The following GBF1 variants were observed in gnomAD, a reference collection of about 807,000 sequenced individuals.
GBF1 encodes Golgi-specific brefeldin A-resistance guanine nucleotide exchange factor 1.
GBF1 carries 114 observed loss-of-function variants against 210.5 expected under a neutral mutation model. The observed-to-expected ratio is 0.54, with a 90% confidence interval of 0.47 to 0.63. GBF1 has a LOEUF of 0.63. Ranked by LOEUF, GBF1 falls within the 30% of genes least tolerant of loss-of-function variation. The pLI is 0.00. For synonymous variants in GBF1, 850 were observed against 889.2 expected, an observed-to-expected ratio of 0.96 and a Z score of 0.78; for missense variants, 1,851 against 2,357.7, an observed-to-expected ratio of 0.79 and a Z score of 4.45.
intron 3 of GBF1, among the ~76,000 whole-genome samples, chr10:102,341,081 T>C (rs777094912): frequency 2.0e-5 from 3 of 152,188 alleles, no homozygotes; most frequent in Non-Finnish European, 4.4e-5. Flanking sequence ...GGACTTGAAT[T>C]CAGAATAAAG....
intron 3 of GBF1, among the ~76,000 whole-genome samples, chr10:102,326,903 G>C (rs896402856): frequency 1.2e-4 from 18 of 152,158 alleles, no homozygotes; most frequent in African/African-American, 3.4e-4. Context: ...AAGGAGAAAA[G>C]GTAGAGGTTG....
chr10:102,253,584 G>T (rs1045130536), intron 1 of GBF1, among the ~76,000 whole-genome samples: 1 of 152,082 alleles, frequency 6.6e-6, no homozygotes, highest in Non-Finnish European at 1.5e-5. Flanking sequence ...TGTGATCGTG[G>T]CTCACTGCAG....
At chr10:102,337,917 T>C (rs1481718030) in intron 3 of GBF1, among the ~76,000 whole-genome samples, 1 of 152,254 alleles carries the variant, frequency 6.6e-6, no homozygotes, top group East Asian at 1.9e-4. Context: ...GGAGTTCAAC[T>C]TGCCCCCAAC....
rs1231847277 is a variant in GBF1 at position 102,352,532 on chromosome 10, T to A, written c.584+14T>A. ...GCTCTTCACAAGGTAAACCTGCTGC[T>A]GTTTGCTTCAGCCCGGCTGCCCAGG... On this transcript the variant is annotated intron_variant, in intron 7 of 39. Transcript: ENST00000369983. The A allele has an allele frequency of 6.3e-7, 1 of 1,593,306 alleles. No homozygotes were observed.
At chr10:102,279,293 T>C (rs1310511949) in intron 3 of GBF1, among the ~76,000 whole-genome samples, 1 of 152,252 alleles carries the variant, frequency 6.6e-6, no homozygotes, top group Non-Finnish European at 1.5e-5. Context: ...CAGTGGAATT[T>C]GTTCTCCACT....
intron 10 of GBF1, chr10:102,358,959 C>T: frequency 1.7e-6 from 1 of 592,034 alleles, no homozygotes; most frequent in South Asian, 2.1e-5. Context: ...ATAGGTAGTA[C>T]TTGACAAAAG....
At chr10:102,289,164 C>T (rs1375227563) in intron 3 of GBF1, among the ~76,000 whole-genome samples, 1 of 151,642 alleles carries the variant, frequency 6.6e-6, no homozygotes, top group Admixed American at 6.6e-5. Flanking sequence ...CTAGGACAAG[C>T]AAGTCGATAG....
At chr10:102,364,985 T>G (rs2059830719) in intron 17 of GBF1, among the ~76,000 whole-genome samples, 1 of 152,226 alleles carries the variant, frequency 6.6e-6, no homozygotes, top group Non-Finnish European at 1.5e-5. Flanking sequence ...TAGTCCACTT[T>G]GTCTTTCAAA....
intron 3 of GBF1, among the ~76,000 whole-genome samples, chr10:102,312,158 G>A (rs1333681362): frequency 6.6e-6 from 1 of 152,106 alleles, no homozygotes; most frequent in Non-Finnish European, 1.5e-5. Context: ...GGGCGTGGTG[G>A]CGCATGCCTG....
At chr10:102,329,954 T>A (rs1477370614) in intron 3 of GBF1, among the ~76,000 whole-genome samples, 2 of 151,844 alleles carry the variant, frequency 1.3e-5, no homozygotes, top group African/African-American at 4.8e-5. Flanking sequence ...ACAAAAAATT[T>A]AAAAAATTAG....
intron 3 of GBF1, among the ~76,000 whole-genome samples, chr10:102,293,764 G>GATTTT (rs2076640604): frequency 2.0e-5 from 1 of 50,888 alleles, no homozygotes; most frequent in Non-Finnish European, 4.2e-5. Flanking sequence ...GCTGTAGTAT[G>GATTTT]TTTTGTGTTT....
intron 3 of GBF1, among the ~76,000 whole-genome samples, chr10:102,308,822 A>G (rs532689471): frequency 1.3e-5 from 2 of 151,992 alleles, no homozygotes; most frequent in South Asian, 2.1e-4. Context: ...ACATGTATAC[A>G]TATGTAACTA....
chr10:102,231,538 T>C, the GBF1 span: 8 of 1,288,020 alleles, frequency 6.2e-6, no homozygotes, highest in African/African-American at 1.0e-4. Context: ...GGTCGCAGGC[T>C]GAGCGCGGAG....
intron 3 of GBF1, among the ~76,000 whole-genome samples, chr10:102,313,220 G>A (rs750437671): frequency 1.1e-4 from 17 of 152,210 alleles, no homozygotes; most frequent in Non-Finnish European, 2.2e-4. Context: ...TATTTTCCCA[G>A]CTTTAGGCGA....
intron 3 of GBF1, among the ~76,000 whole-genome samples, chr10:102,296,480 C>T (rs900232049): frequency 1.3e-5 from 2 of 152,190 alleles, no homozygotes; most frequent in African/African-American, 2.4e-5. Context: ...CGCGGTGGCT[C>T]ACGCCTGTAA....
chr10:102,259,349 A>T (rs2072888209), intron 2 of GBF1, among the ~76,000 whole-genome samples: 1 of 152,210 alleles, frequency 6.6e-6, no homozygotes, highest in East Asian at 1.9e-4. Context: ...CTTTAGGGCT[A>T]TAATTAGCTA....
At chr10:102,232,465 C>T in the GBF1 span, among the ~76,000 whole-genome samples, 1 of 152,158 alleles carries the variant, frequency 6.6e-6, no homozygotes, top group East Asian at 1.9e-4. Context: ...GGTGGATCAC[C>T]TGAGGTCAGG....
At chr10:102,280,597 A>T (rs2075395714) in intron 3 of GBF1, among the ~76,000 whole-genome samples, 1 of 152,192 alleles carries the variant, frequency 6.6e-6, no homozygotes, top group Non-Finnish European at 1.5e-5. Flanking sequence ...AGAGCAGTCA[A>T]AATTAGCAAC....
chr10:102,368,529 G>T (rs779716843), intron 22 of GBF1, 75 bp downstream of exon 22: 116 of 933,822 alleles, frequency 1.2e-4, no homozygotes, highest in Non-Finnish European at 1.8e-4. Context: ...ATGCCTCTCT[G>T]ACTCCTACTG....
Sources: allele counts gnomAD v4.1 joint callset (sites outside exome capture counted in the v4.1 genomes callset), GRCh38; gene constraint gnomAD v4.1.1; transcripts MANE v1.5; gene names NCBI Gene and HGNC (gene_info 2026-07-23, HGNC 2026-07-21).